The following MAP3K4 variants were observed in gnomAD, a reference collection of about 807,000 sequenced individuals.
The protein encoded by MAP3K4 is MAP three kinase 1.
A neutral mutation model predicts 185.6 loss-of-function variants in MAP3K4; 67 were observed. The observed-to-expected ratio is 0.36, with a 90% CI of 0.30 to 0.44. MAP3K4 has a LOEUF of 0.44. Ranked by LOEUF, MAP3K4 falls within the 20% of genes least tolerant of loss-of-function variation. MAP3K4 has a pLI of 1.00. For missense variants in MAP3K4, 1,551 were observed against 1,995.1 expected (o/e 0.78, Z 4.24); for synonymous variants, 702 against 710.4 (o/e 0.99, Z 0.19).
chr6:161,026,455 A>G (rs1782666149), intron 1 of MAP3K4, among the ~76,000 whole-genome samples: 2 of 152,104 alleles, frequency 1.3e-5, no homozygotes, highest in African/African-American at 2.4e-5. Context: ...CTTTTCTTAC[A>G]GTTTTGATTT....
rs898862476 is a variant in MAP3K4, at chr6:161,002,911, A to AT, written c.152+10836dup. 4.6e-5 allele frequency among the ~76,000 whole-genome samples: 7 copies of AT among 151,728 alleles called. No homozygotes were observed. In the South Asian group the frequency reaches 1.2e-3, roughly 27 times the overall value. The stretch of plus-strand genomic sequence containing the variant: ...CGGCCGGCATATTTCTTTTCTGTGT[A>AT]TTTTTTTTATACAGTTTATTTTTAC... On this transcript the variant is annotated intron_variant, in intron 1 of 26. Transcript: ENST00000392142.
chr6:161,109,067 C>T lies in MAP3K4; in HGVS notation c.4236+208C>T, dbSNP rs1392859643. The T allele has an allele frequency of 7.0e-7, 1 of 1,431,882 alleles. No homozygotes were observed. Among genetic ancestry groups the T allele is most frequent in the African/African-American group, 1.4e-5 (1 of 70,774 alleles). 88.7% of individuals were successfully genotyped at this position (1,431,882 alleles called of 1,614,324 possible). On this transcript the variant is annotated intron_variant, in intron 22 of 26. Transcript: ENST00000392142. This position sits in a 1 kb window ranked among gnomAD's most constrained non-coding sequence, Gnocchi z 5.7. ...GTAAGTTGTAGACTGTAGTCATTAA[C>T]CCGACATCATAAAGCACTGAAACCC...
intron 1 of MAP3K4, among the ~76,000 whole-genome samples, chr6:161,006,007 C>T (rs1310312114): frequency 6.6e-6 from 1 of 152,114 alleles, no homozygotes; most frequent in South Asian, 2.1e-4. Context: ...AGGCTGGTTT[C>T]GAATTCCTGA....
chr6:161,048,149 A>T lies in MAP3K4; in HGVS notation c.344-467A>T. 1 of 470,432 alleles carries T rather than the reference A, an allele frequency of 2.1e-6. No homozygotes were observed. Among genetic ancestry groups the T allele is most frequent in the Non-Finnish European group, 4.3e-6 (1 of 234,948 alleles). The allele number at this position is 470,432 out of a possible 1,614,324, so 29.1% of individuals were successfully genotyped here. A position where few individuals can be genotyped will look rare whatever the true frequency, so the allele number is the denominator to read the frequency against. On this transcript the variant is annotated intron_variant, in intron 2 of 26. Transcript: ENST00000392142. The surrounding 1 kb of genome is among the most constrained non-coding windows in gnomAD (Gnocchi z 4.7). Reference sequence around the variant, plus strand: ...TGCATCAATGTGCCTAATTTTATCAATGAGAAAAGTAATCCAGATAATTTA... The same window carrying T: ...TGCATCAATGTGCCTAATTTTATCATTGAGAAAAGTAATCCAGATAATTTA...
In MAP3K4 at chr6:161,106,407, C is replaced by A; in HGVS notation, c.3857-107C>A. On this transcript the variant is annotated intron_variant, in intron 19 of 26. Transcript: ENST00000392142. This position sits in a 1 kb window ranked among gnomAD's most constrained non-coding sequence, Gnocchi z 4.9. ...TTATCTGAATAGATAATAAGCTTTG[C>A]TGTAATGGAGTGCTAATATATATTG... is the stretch of plus-strand genomic sequence containing the variant. 1 of 707,068 alleles carries A rather than the reference C, an allele frequency of 1.4e-6. No homozygotes were observed. Among genetic ancestry groups the A allele is most frequent in the Non-Finnish European group, 2.3e-6 (1 of 433,608 alleles). The allele number at this position is 707,068 out of a possible 1,614,324, so 43.8% of individuals were successfully genotyped here.
In MAP3K4 at chr6:161,056,155, T is replaced by C. The variant is rs1343055453; in HGVS notation, c.1707+6176T>C. 6.6e-6 allele frequency among the ~76,000 whole-genome samples: 1 copy of C among 152,214 alleles called. No individual in the cohort carries two copies. The highest frequency in any genetic ancestry group is 2.1e-4 in the South Asian group (1 of 4,830). ...TTTGATATGCTCCCCTCTTTTGTTG[T>C]ATTATTTTCCTTTTGATTTGCTTTT... On this transcript the variant is annotated intron_variant, in intron 3 of 26. Coordinates refer to ENST00000392142, the MANE Select transcript of MAP3K4 (RefSeq NM_005922.4). The surrounding 1 kb of genome is among the most constrained non-coding windows in gnomAD (Gnocchi z 5.4).
chr6:160,992,314 G>C, intron 1 of MAP3K4: 1 of 553,154 alleles, frequency 1.8e-6, no homozygotes, highest in Non-Finnish European at 3.1e-6. Context: ...GCTCGAGCGT[G>C]TTGCCGGCTC....
Position 160,996,789 on chromosome 6 carries a change from C to G in MAP3K4, c.152+4706C>G, listed in dbSNP as rs1339057346. Among the ~76,000 whole-genome samples the G allele has an allele frequency of 6.6e-6, 1 of 152,174 alleles. No homozygotes were observed. The highest frequency in any genetic ancestry group is 1.5e-5 in the Non-Finnish European group (1 of 68,024). On this transcript the variant is annotated intron_variant, in intron 1 of 26. Transcript: ENST00000392142. The surrounding 1 kb of genome is among the most constrained non-coding windows in gnomAD (Gnocchi z 4.5). ...AGCTTTGTCTGTACACCTGGTTAGTCAGTGTATTCTCTTGCTTGTAGAAAG... is the reference window on the plus strand; with the variant it reads ...AGCTTTGTCTGTACACCTGGTTAGTGAGTGTATTCTCTTGCTTGTAGAAAG...
rs1562524330 is a variant in MAP3K4 at position 161,077,517 on chromosome 6, C to T, written c.2098-3364C>T. ...AAGGAGCCTGGCAAGAGCAAGGCAC[C>T]GCAGGCAGCCTGTGGGGGCTCCAGC... is the stretch of plus-strand genomic sequence containing the variant. On this transcript the variant is annotated intron_variant, in intron 5 of 26. Transcript: ENST00000392142. The surrounding 1 kb of genome is among the most constrained non-coding windows in gnomAD (Gnocchi z 4.3). Among the ~76,000 whole-genome samples, 6 of 152,200 alleles carry T rather than the reference C, an allele frequency of 3.9e-5. No homozygotes were observed. The highest frequency in any genetic ancestry group is 4.1e-4 in the South Asian group (2 of 4,826).
Position 161,087,481 on chromosome 6 carries a change from T to C in MAP3K4, c.2557-207T>C, listed in dbSNP as rs1785788175. 6.6e-6 allele frequency among the ~76,000 whole-genome samples: 1 copy of C among 152,140 alleles called. No homozygotes were observed. Among genetic ancestry groups the C allele is most frequent in the Non-Finnish European group, 1.5e-5 (1 of 68,016 alleles). On this transcript the variant is annotated intron_variant, in intron 9 of 26. Coordinates refer to ENST00000392142, the MANE Select transcript of MAP3K4 (RefSeq NM_005922.4). The surrounding 1 kb of genome is among the most constrained non-coding windows in gnomAD (Gnocchi z 4.9). ...ATAATCGGGGAGACTCTGTAAGGCC[T>C]CTCCTCCAGTGCGTTCACAGACTCT...
intron 1 of MAP3K4, among the ~76,000 whole-genome samples, chr6:161,025,438 T>G (rs538668416): frequency 3.9e-5 from 6 of 152,366 alleles, no homozygotes; most frequent in Admixed American, 3.3e-4. Flanking sequence ...CCAAATACTT[T>G]GGGAGAATAT....
chr6:161,073,418 T>C lies in MAP3K4; in HGVS notation c.1951-48T>C. ...GTAGGAAGATATAAAACACGGATCG[T>C]CTGGTTGGAGTTTATGGCTGCTGGA... On this transcript the variant is annotated intron_variant, in intron 4 of 26. Transcript: ENST00000392142. This position sits in a 1 kb window ranked among gnomAD's most constrained non-coding sequence, Gnocchi z 4.2. The C allele has an allele frequency of 6.7e-7, 1 of 1,496,936 alleles. No individual in the cohort carries two copies. The highest frequency in any genetic ancestry group is 8.9e-7 in the Non-Finnish European group (1 of 1,120,804). The allele number at this position is 1,496,936 out of a possible 1,614,324, so 92.7% of individuals were successfully genotyped here.
intron 1 of MAP3K4, among the ~76,000 whole-genome samples, chr6:161,020,245 A>G (rs1044615486): frequency 2.0e-5 from 3 of 151,628 alleles, no homozygotes; most frequent in African/African-American, 7.3e-5. Flanking sequence ...TTGAGAACCT[A>G]ATGAAAACTA....
At chr6:160,992,931 G>A (rs1780806531) in intron 1 of MAP3K4, among the ~76,000 whole-genome samples, 1 of 151,896 alleles carries the variant, frequency 6.6e-6, no homozygotes, top group African/African-American at 2.4e-5. Context: ...GCATCCCAGA[G>A]TAAACTTGCA....
chr6:161,089,634 A>G (rs1305596847), intron 11 of MAP3K4, among the ~76,000 whole-genome samples, 163 bp downstream of exon 11: 5 of 152,208 alleles, frequency 3.3e-5, no homozygotes, highest in Non-Finnish European at 4.4e-5. Flanking sequence ...TAAACTACAT[A>G]TTCTGAGATT....
At position 161,075,088 on chromosome 6, in the gene MAP3K4, T is replaced by G. The variant is rs1414792303; in HGVS notation, c.2097+1476T>G. On this transcript the variant is annotated intron_variant, in intron 5 of 26. Coordinates refer to ENST00000392142, the MANE Select transcript of MAP3K4 (RefSeq NM_005922.4). This position sits in a 1 kb window ranked among gnomAD's most constrained non-coding sequence, Gnocchi z 4.3. ...GGCATATTGCAAGAAATCATTTTAA[T>G]GAGTTAGAAGTTATTCTCTATATAA... Among the ~76,000 whole-genome samples the G allele has an allele frequency of 6.6e-6, 1 of 152,240 alleles. No individual in the cohort carries two copies. The highest frequency in any genetic ancestry group is 1.5e-5 in the Non-Finnish European group (1 of 68,048).
intron 1 of MAP3K4, among the ~76,000 whole-genome samples, chr6:161,016,092 G>T (rs570052234): frequency 1.3e-5 from 2 of 152,252 alleles, no homozygotes; most frequent in Admixed American, 6.5e-5. Flanking sequence ...GATATAAAGT[G>T]CTGTCTGATT....
chr6:160,992,002 A>AGCCGCCGCC lies in MAP3K4; in HGVS notation c.72_80dup (p.Pro34_Pro36dup). On this transcript the variant is annotated inframe_insertion, in exon 1 of 27. Coordinates refer to ENST00000392142, the MANE Select transcript of MAP3K4 (RefSeq NM_005922.4). ...GTCACGCCTGCCGCCGCCATGGAGGAGCCGCCGCCACCGCCGCCGCCGCCA... is the reference window on the plus strand; with the variant it reads ...GTCACGCCTGCCGCCGCCATGGAGGAGCCGCCGCCGCCGCCGCCACCGCCGCCGCCGCCA... The AGCCGCCGCC allele has an allele frequency of 3.3e-6, 5 of 1,537,274 alleles. No individual in the cohort carries two copies. Among genetic ancestry groups the AGCCGCCGCC allele is most frequent in the Middle Eastern group, 1.7e-4 (1 of 5,750 alleles).
chr6:161,075,950 A>C lies in MAP3K4; in HGVS notation c.2097+2338A>C, dbSNP rs909890099. On this transcript the variant is annotated intron_variant, in intron 5 of 26. Transcript: ENST00000392142. This position sits in a 1 kb window ranked among gnomAD's most constrained non-coding sequence, Gnocchi z 4.3. Reference sequence around the variant, plus strand: ...AAATCAGTGTTTCTATTAGGAAGGAAGGAAAGAACAGCAATTGAATTGGCA... The same window carrying C: ...AAATCAGTGTTTCTATTAGGAAGGACGGAAAGAACAGCAATTGAATTGGCA... 6.6e-6 allele frequency among the ~76,000 whole-genome samples: 1 copy of C among 152,194 alleles called. No individual in the cohort carries two copies. Among genetic ancestry groups the C allele is most frequent in the Non-Finnish European group, 1.5e-5 (1 of 68,044 alleles).
Sources: allele counts gnomAD v4.1 joint callset (sites outside exome capture counted in the v4.1 genomes callset), GRCh38; gene constraint gnomAD v4.1.1; non-coding constraint Gnocchi (gnomAD v3.1); transcripts MANE v1.5; gene names NCBI Gene and HGNC (gene_info 2026-07-23, HGNC 2026-07-21).